TCF20: variants seen among roughly 807,000 people sequenced by gnomAD.
TCF20 encodes SPRE-binding protein.
TCF20 carries 3 observed loss-of-function variants against 148.6 expected under a neutral mutation model. That is an observed-to-expected ratio of 0.02 (90% confidence interval 0.01 to 0.05). The LOEUF (loss-of-function observed/expected upper bound fraction) is 0.05. TCF20 is among the 10% of genes least tolerant of loss of function. The probability of loss-of-function intolerance (pLI) is 1.00; values close to 1 mark genes in which losing one functional copy is unlikely to be tolerated. For missense variants in TCF20, 2,350 were observed against 2,429.3 expected, an observed-to-expected ratio of 0.97 and a Z score of 0.69; for synonymous variants, 1,049 against 909.5, an observed-to-expected ratio of 1.15 and a Z score of -2.76.
intron 1 of TCF20, among the ~76,000 whole-genome samples, chr22:42,218,082 T>C (rs942518946): frequency 3.9e-5 from 6 of 152,240 alleles, no homozygotes; most frequent in African/African-American, 1.4e-4. Flanking sequence ...GCTATTCAAA[T>C]GGTGATGATG....
At chr22:42,332,189 A>G (rs1927988120) in intron 1 of TCF20, among the ~76,000 whole-genome samples, 1 of 152,246 alleles carries the variant, frequency 6.6e-6, no homozygotes, top group South Asian at 2.1e-4. Context: ...ATGCACCAGG[A>G]AGGCCCTGCC....
chr22:42,217,752 T>C lies in TCF20; in HGVS notation c.-36-2411A>G, dbSNP rs1051009333. 3.1e-4 allele frequency among the ~76,000 whole-genome samples: 47 copies of C among 152,288 alleles called. 1 individual carries two copies. The highest frequency in any genetic ancestry group is 1.1e-3 in the African/African-American group (44 of 41,542). The stretch of plus-strand genomic sequence containing the variant: ...TGAAGACCTTGCCTGTAAAATCCCA[T>C]GAGTCCGGTTCTAAGGGAAAGACCC... On this transcript the variant is annotated intron_variant, in intron 1 of 5. Transcript: ENST00000677622.
At chr22:42,171,527 G>A (rs1392589999) in intron 3 of TCF20, among the ~76,000 whole-genome samples, 2 of 152,238 alleles carry the variant, frequency 1.3e-5, no homozygotes, top group African/African-American at 4.8e-5. Flanking sequence ...GAGAGTGGGC[G>A]GCAGCCTTCT....
chr22:42,192,782 C>T (rs1469903639), intron 2 of TCF20, among the ~76,000 whole-genome samples: 6 of 152,180 alleles, frequency 3.9e-5, no homozygotes, highest in Non-Finnish European at 8.8e-5. Flanking sequence ...ATGCTCAAAC[C>T]GGGGCCTTTT....
Position 42,211,025 on chromosome 22 carries a change from C to A in TCF20, c.4281G>T (p.Glu1427Asp), listed in dbSNP as rs770577197. The A allele has an allele frequency of 1.2e-6, 2 of 1,614,158 alleles. No homozygotes were observed. Among genetic ancestry groups the A allele is most frequent in the Non-Finnish European group, 1.7e-6 (2 of 1,180,034 alleles). The change falls in exon 2 of 6, where the codon GAG becomes GAT. Residue 1427 changes from glutamate (E) to aspartate (D), a missense_variant. Physicochemically the swap from Glu to Asp is conservative, Grantham distance 45. Transcript: ENST00000677622. Reference sequence around the variant, plus strand: ...CTTCTGAAGACCTTGGAAGAGGTTTCTCTACGTGCAACTCCTGGTTTGCTG... The same window carrying A: ...CTTCTGAAGACCTTGGAAGAGGTTTATCTACGTGCAACTCCTGGTTTGCTG... ...VSPANQELHV[E>D]KPLPRSSEEW...
chr22:42,254,796 C>T (rs564444336), intron 1 of TCF20, among the ~76,000 whole-genome samples: 2 of 152,154 alleles, frequency 1.3e-5, no homozygotes, highest in South Asian at 4.1e-4. Context: ...GAAACCCCGT[C>T]TCTACTAAAA....
chr22:42,267,881 C>T (rs1435588911), intron 1 of TCF20, among the ~76,000 whole-genome samples: 1 of 152,160 alleles, frequency 6.6e-6, no homozygotes, highest in Non-Finnish European at 1.5e-5. Flanking sequence ...CGCAGTGGTT[C>T]ACACCTGTAA....
intron 1 of TCF20, among the ~76,000 whole-genome samples, chr22:42,246,617 A>G (rs989750921): frequency 1.3e-5 from 2 of 152,236 alleles, no homozygotes; most frequent in African/African-American, 4.8e-5. Context: ...GGCAAGTGCC[A>G]ATACCATAAT....
At position 42,212,610 on chromosome 22, in the gene TCF20, C is replaced by T. The variant is rs374348035; in HGVS notation, c.2696G>A (p.Arg899His). 16 of 1,614,036 alleles carry T rather than the reference C, an allele frequency of 9.9e-6. No homozygotes were observed. Among genetic ancestry groups the T allele is most frequent in the East Asian group, 4.5e-5 (2 of 44,896 alleles). Reference protein sequence around the residue: ...SADTRIGRNDRLNPTLSQSVI... With the variant: ...SADTRIGRNDHLNPTLSQSVI... ...CGACTGACTTAAAGTTGGATTGAGA[C>T]GGTCATTCCTCCCAATTCTGGTGTC... Residue 899 changes from arginine to histidine, a missense_variant, in exon 2 of 6, where the codon CGT becomes CAT. Arg to His is a conservative substitution (Grantham distance 29). This residue lies in a region of TCF20 where 1,641 missense variants were observed against 1,662.6 expected (regional missense o/e 0.99). Coordinates refer to ENST00000677622, the MANE Select transcript of TCF20 (RefSeq NM_001378418.1).
rs1253202324 is a variant in TCF20, at chr22:42,232,899, T to G, written c.-36-17558A>C. On this transcript the variant is annotated intron_variant, in intron 1 of 5. Transcript: ENST00000677622. ...AATAATTGCAACTACTTTTATTGAG[T>G]GTTTAAATTATGTGCAATGCAATAT... Among the ~76,000 whole-genome samples the G allele has an allele frequency of 2.6e-5, 4 of 151,890 alleles. No homozygotes were observed. In the East Asian group the frequency reaches 7.8e-4, roughly 29 times the overall value.
At chr22:42,197,700 A>AT (rs1937675202) in intron 2 of TCF20, among the ~76,000 whole-genome samples, 1 of 152,206 alleles carries the variant, frequency 6.6e-6, no homozygotes, top group Admixed American at 6.5e-5. Context: ...ATACATCTCA[A>AT]TTTTCCAGAG....
intron 1 of TCF20, among the ~76,000 whole-genome samples, chr22:42,225,000 CTT>C (rs34550174): frequency 3.4e-4 from 44 of 130,230 alleles, no homozygotes; most frequent in African/African-American, 1.0e-3. Context: ...GAAATAATCA[CTT>C]TTTTTTTTTT....
At chr22:42,255,774 T>C (rs1023876914) in intron 1 of TCF20, among the ~76,000 whole-genome samples, 2 of 151,870 alleles carry the variant, frequency 1.3e-5, no homozygotes, top group Admixed American at 6.6e-5. Flanking sequence ...CCCACCACCA[T>C]CTCTCCTCAG....
chr22:42,176,636 C>T (rs1026286597), intron 3 of TCF20, among the ~76,000 whole-genome samples: 2 of 152,214 alleles, frequency 1.3e-5, no homozygotes, highest in Admixed American at 6.5e-5. Context: ...CACCACTTTT[C>T]CTCAAACGTG....
intron 1 of TCF20, among the ~76,000 whole-genome samples, chr22:42,311,045 G>C (rs1927526514): frequency 1.3e-5 from 2 of 152,216 alleles, no homozygotes. Context: ...GCCCAAGGCT[G>C]GCCCGGTGGC....
rs557859303 is a variant in TCF20, at chr22:42,162,129, C to T, written c.*45-771G>A. 1.6e-4 allele frequency among the ~76,000 whole-genome samples: 24 copies of T among 151,762 alleles called. No individual in the cohort carries two copies. In the East Asian group the frequency reaches 2.1e-3, roughly 13 times the overall value. On this transcript the variant is annotated intron_variant, in intron 5 of 5. Transcript: ENST00000677622. ...CCAAATAGCTGGGATCACAGGTGCA[C>T]GCCACCACACCCGGCTAATTTTTGT...
At chr22:42,332,323 C>A (rs1387383988) in intron 1 of TCF20, among the ~76,000 whole-genome samples, 1 of 152,046 alleles carries the variant, frequency 6.6e-6, no homozygotes, top group African/African-American at 2.4e-5. Context: ...CTTTTGAGAA[C>A]AAAAGGTCCC....
At chr22:42,200,539 G>A (rs1937930863) in intron 2 of TCF20, among the ~76,000 whole-genome samples, 1 of 151,570 alleles carries the variant, frequency 6.6e-6, no homozygotes, top group Admixed American at 6.6e-5. Flanking sequence ...TACTTGGGAG[G>A]CTGAGGCCTG....
chr22:42,294,284 G>A (rs556156509), intron 1 of TCF20, among the ~76,000 whole-genome samples: 4 of 152,302 alleles, frequency 2.6e-5, no homozygotes, highest in African/African-American at 7.2e-5. Flanking sequence ...ATCTCAGCCC[G>A]CGACCCCGCC....
Sources: allele counts gnomAD v4.1 joint callset (sites outside exome capture counted in the v4.1 genomes callset), GRCh38; gene constraint gnomAD v4.1.1; regional missense constraint gnomAD v4.1.1; transcripts MANE v1.5; gene names NCBI Gene and HGNC (gene_info 2026-07-23, HGNC 2026-07-21).